TBK1: variants seen among roughly 807,000 people sequenced by gnomAD.
TBK1 encodes serine/threonine-protein kinase TBK1.
A neutral mutation model predicts 99.9 loss-of-function variants in TBK1; 37 were observed. The observed-to-expected ratio is 0.37, with a 90% CI of 0.28 to 0.49. TBK1 has a LOEUF of 0.49. Ranked by LOEUF, TBK1 falls within the 20% of genes least tolerant of loss-of-function variation. The pLI, the probability that TBK1 is intolerant of heterozygous loss-of-function variation, is 0.98. For synonymous variants in TBK1, 258 were observed against 279.8 expected, an observed-to-expected ratio of 0.92 and a Z score of 0.78; for missense variants, 644 against 872.5, an observed-to-expected ratio of 0.74 and a Z score of 3.30.
At chr12:64,466,342 C>T (rs2136062988) in intron 4 of TBK1, among the ~76,000 whole-genome samples, 1 of 152,150 alleles carries the variant, frequency 6.6e-6, no homozygotes, top group African/African-American at 2.4e-5. Flanking sequence ...GACAACTTTG[C>T]CCTTAAGAAA....
At chr12:64,453,222 G>A (rs574284688) in intron 1 of TBK1, among the ~76,000 whole-genome samples, 3 of 152,282 alleles carry the variant, frequency 2.0e-5, no homozygotes, top group African/African-American at 7.2e-5. Context: ...CCACTATTGT[G>A]ATTACTGTTA....
intron 16 of TBK1, 119 bp downstream of exon 16, chr12:64,496,525 T>C: frequency 1.9e-6 from 1 of 525,148 alleles, no homozygotes. Flanking sequence ...TAATCTTGAT[T>C]TTACAGGATT....
chr12:64,468,208 ACCTGGCC>A (rs537825310), intron 5 of TBK1, among the ~76,000 whole-genome samples: 27 of 151,766 alleles, frequency 1.8e-4, no homozygotes, highest in Non-Finnish European at 3.2e-4. Context: ...AAAAAAAGGT[ACCTGGCC>A]CAGGCATGGT....
At chr12:64,470,671 A>G (rs971976732) in intron 5 of TBK1, among the ~76,000 whole-genome samples, 5 of 152,216 alleles carry the variant, frequency 3.3e-5, no homozygotes, top group African/African-American at 7.2e-5. Flanking sequence ...CATTCAGGCT[A>G]TATATAGGAG....
intron 3 of TBK1, 87 bp downstream of exon 3, chr12:64,460,416 A>C (rs1300046039): frequency 1.8e-6 from 2 of 1,105,254 alleles, no homozygotes; most frequent in Admixed American, 5.7e-5. Context: ...TTTTTAAAAA[A>C]CTGTTGAAAA....
intron 4 of TBK1, among the ~76,000 whole-genome samples, chr12:64,466,367 G>A (rs1056856707): frequency 6.6e-6 from 1 of 152,070 alleles, no homozygotes; most frequent in Non-Finnish European, 1.5e-5. Flanking sequence ...AAGAAAAAAT[G>A]GGCTTTTTGG....
rs761263396 is a variant in TBK1, at chr12:64,484,265, C to G, written c.993-38C>G. On this transcript the variant is annotated intron_variant, in intron 8 of 20. Coordinates refer to ENST00000331710, the MANE Select transcript of TBK1 (RefSeq NM_013254.4). ...TAAAATATTTTGCCTCTCACTTTAT[C>G]CCCAGTTATAGTGTCCTTTTGAATT... 3.6e-6 allele frequency: 5 copies of G among 1,396,946 alleles called. No homozygotes were observed. In the South Asian group the frequency reaches 6.5e-5, roughly 18 times the overall value. The allele number at this position is 1,396,946 out of a possible 1,614,324, so 86.5% of individuals were successfully genotyped here. A position where few individuals can be genotyped will look rare whatever the true frequency, so the allele number is the denominator to read the frequency against.
intron 2 of TBK1, among the ~76,000 whole-genome samples, chr12:64,456,636 C>T (rs533676896): frequency 2.0e-5 from 3 of 151,932 alleles, no homozygotes; most frequent in East Asian, 1.9e-4. Context: ...GTCAGGAGAT[C>T]GAGACCATCC....
chr12:64,498,310 G>A (rs2040951016), intron 20 of TBK1, among the ~76,000 whole-genome samples: 1 of 152,158 alleles, frequency 6.6e-6, no homozygotes, highest in Non-Finnish European at 1.5e-5. Flanking sequence ...TTAATTCATT[G>A]GAATCATAAT....
intron 12 of TBK1, among the ~76,000 whole-genome samples, chr12:64,489,672 G>T (rs533409453): frequency 3.1e-4 from 46 of 150,104 alleles, no homozygotes; most frequent in Non-Finnish European, 6.4e-4. Context: ...AGGTTCAAGC[G>T]ATTCTCCTGC....
intron 4 of TBK1, 116 bp from the exon 5 acceptor site, chr12:64,466,785 A>G (rs2136063340): frequency 1.4e-6 from 1 of 701,208 alleles, no homozygotes; most frequent in Non-Finnish European, 2.0e-6. Context: ...ATTACTTTGA[A>G]CCAAATTATG....
At chr12:64,498,087 C>A in intron 20 of TBK1, 48 bp downstream of exon 20, 2 of 1,460,176 alleles carry the variant, frequency 1.4e-6, no homozygotes, top group South Asian at 2.4e-5. Context: ...CAATTGAGTT[C>A]ATTCACATCT....
Position 64,484,415 on chromosome 12 carries a change from C to T in TBK1, c.1105C>T (p.His369Tyr), listed in dbSNP as rs759242065. Residue 369 changes from histidine to tyrosine, a missense_variant, in exon 9 of 21, where the codon CAT (histidine) becomes TAT (tyrosine). Physicochemically the swap from His to Tyr is moderately conservative, Grantham distance 83. Coordinates refer to ENST00000331710, the MANE Select transcript of TBK1 (RefSeq NM_013254.4). ...LVLEPGRLAQ[H>Y]FPKTTEENPI... ...CTTAGAACCTGGAAGGCTGGCACAACATTTCCCTAAAACTACTGAGGAAAA... is the reference window on the plus strand; with the variant it reads ...CTTAGAACCTGGAAGGCTGGCACAATATTTCCCTAAAACTACTGAGGAAAA... 6.2e-7 allele frequency: 1 copy of T among 1,614,012 alleles called. No homozygotes were observed. Among genetic ancestry groups the T allele is most frequent in the Non-Finnish European group, 8.5e-7 (1 of 1,180,024 alleles).
chr12:64,482,980 G>A (rs1156954585), intron 8 of TBK1, among the ~76,000 whole-genome samples: 1 of 152,204 alleles, frequency 6.6e-6, no homozygotes, highest in Non-Finnish European at 1.5e-5. Flanking sequence ...GCTATATGCA[G>A]GATGCCACCA....
In TBK1 at chr12:64,480,451, A is replaced by C. The variant is rs561966024; in HGVS notation, c.812+329A>C. Among the ~76,000 whole-genome samples the C allele has an allele frequency of 7.2e-5, 11 of 152,338 alleles. No individual in the cohort carries two copies. In the South Asian group the frequency reaches 2.1e-3, roughly 29 times the overall value. On this transcript the variant is annotated intron_variant, in intron 7 of 20. Transcript: ENST00000331710. ...GTAATGACCTCCATATTGATGGATA[A>C]CAAATAGTGGATTAGATATGAGTAA...
chr12:64,494,449 A>G (rs1169189945), intron 13 of TBK1, among the ~76,000 whole-genome samples: 2 of 152,234 alleles, frequency 1.3e-5, no homozygotes, highest in African/African-American at 4.8e-5. Context: ...ACTGCACTCC[A>G]GCCTAGGCGA....
At chr12:64,500,957 C>T (rs930690360) in intron 20 of TBK1, among the ~76,000 whole-genome samples, 1 of 151,974 alleles carries the variant, frequency 6.6e-6, no homozygotes, top group Non-Finnish European at 1.5e-5. Context: ...AGGAGTTTTG[C>T]CATATTGGCC....
intron 7 of TBK1, among the ~76,000 whole-genome samples, chr12:64,480,825 A>G (rs1337311783): frequency 6.6e-6 from 1 of 152,158 alleles, no homozygotes; most frequent in Non-Finnish European, 1.5e-5. Context: ...TAGTTATATA[A>G]TCCTTAATTG....
At chr12:64,476,936 A>T (rs2040720438) in intron 6 of TBK1, among the ~76,000 whole-genome samples, 1 of 152,010 alleles carries the variant, frequency 6.6e-6, no homozygotes, top group Admixed American at 6.6e-5. Context: ...CCTTTCCCCC[A>T]TTGTTTATTT....
Sources: allele counts gnomAD v4.1 joint callset (sites outside exome capture counted in the v4.1 genomes callset), GRCh38; gene constraint gnomAD v4.1.1; transcripts MANE v1.5; gene names NCBI Gene and HGNC (gene_info 2026-07-23, HGNC 2026-07-21).